Variants in CTC1 observed in about 807,000 individuals in gnomAD.
CTC1 encodes the protein CST complex subunit CTC1.
A neutral mutation model predicts 136.3 loss-of-function variants in CTC1; 91 were observed. That is an observed-to-expected ratio of 0.67 (90% CI 0.56 to 0.79). The LOEUF (loss-of-function observed/expected upper bound fraction) is 0.79, where lower values mean the gene tolerates loss of function less well. Ranked by LOEUF, CTC1 falls within the 30% of genes least tolerant of loss-of-function variation. The probability of loss-of-function intolerance (pLI) is 0.00; values close to 1 mark genes in which losing one functional copy is unlikely to be tolerated. For missense variants in CTC1, 1,432 were observed against 1,498.1 expected (o/e 0.96, Z 0.73); for synonymous variants, 606 against 613.8 (o/e 0.99, Z 0.19).
rs374177499 is a variant in CTC1 at position 8,231,489 on chromosome 17, C to T, written c.2476-20G>A. The T allele has an allele frequency of 1.8e-5, 29 of 1,581,438 alleles. No homozygotes were observed. The highest frequency in any genetic ancestry group is 1.1e-4 in the East Asian group (5 of 44,344). On this transcript the variant is annotated intron_variant, in intron 14 of 22. Coordinates refer to ENST00000651323, the MANE Select transcript of CTC1 (RefSeq NM_025099.6). ...TGGTGTCTGCACGGAAATGGGAAGACGACTGCCTGTGAGTGTGTGCTAGTC... is the reference window on the plus strand; with the variant it reads ...TGGTGTCTGCACGGAAATGGGAAGATGACTGCCTGTGAGTGTGTGCTAGTC...
chr17:8,227,963 A>G lies in CTC1; in HGVS notation c.*217T>C, dbSNP rs1019557336. 1.9e-6 allele frequency: 1 copy of G among 524,442 alleles called. No homozygotes were observed. Among genetic ancestry groups the G allele is most frequent in the East Asian group, 3.1e-5 (1 of 31,768 alleles). The allele number at this position is 524,442 out of a possible 1,614,324, so 32.5% of individuals were successfully genotyped here. A position where few individuals can be genotyped will look rare whatever the true frequency, so the allele number is the denominator to read the frequency against. Reference sequence around the variant, plus strand: ...CTGTGAATGCAGGTGCCTTGTCCCAATCAGAGGACATATTAATAGGGCCAT... The same window carrying G: ...CTGTGAATGCAGGTGCCTTGTCCCAGTCAGAGGACATATTAATAGGGCCAT... On this transcript the variant is annotated 3_prime_UTR_variant, in exon 23 of 23. Transcript: ENST00000651323.
chr17:8,247,305 CTTTTT>C (rs772948223), intron 1 of CTC1, among the ~76,000 whole-genome samples: 112 of 91,262 alleles, frequency 1.2e-3, no homozygotes, highest in African/African-American at 4.0e-3. Flanking sequence ...CCTTCCGGCG[CTTTTT>C]TTTTTTTTTT....
rs1986672220 is a variant in CTC1, at chr17:8,226,385, T to C, written c.*1795A>G. 6.6e-6 allele frequency: 1 copy of C among 152,196 alleles called. No homozygotes were observed. Among genetic ancestry groups the C allele is most frequent in the African/African-American group, 2.4e-5 (1 of 41,462 alleles). The allele number at this position is 152,196 out of a possible 1,614,324, so 9.4% of individuals were successfully genotyped here. A position where few individuals can be genotyped will look rare whatever the true frequency, so the allele number is the denominator to read the frequency against. ...AACCCGGACCGAGCTTTTTCAGATCTTTCTAGAACTAATTTGGTAACTCAA... is the reference window on the plus strand; with the variant it reads ...AACCCGGACCGAGCTTTTTCAGATCCTTCTAGAACTAATTTGGTAACTCAA... On this transcript the variant is annotated 3_prime_UTR_variant, in exon 23 of 23. Coordinates refer to ENST00000651323, the MANE Select transcript of CTC1 (RefSeq NM_025099.6).
intron 2 of CTC1, among the ~76,000 whole-genome samples, chr17:8,241,171 C>G (rs1236593544): frequency 2.0e-5 from 3 of 151,874 alleles, no homozygotes; most frequent in Non-Finnish European, 4.4e-5. Flanking sequence ...ACCTGTAATC[C>G]CAGCTTCTTG....
rs773120259 is a variant in CTC1, at chr17:8,236,060, AATAGG to A, written c.1070_1074del (p.Ser357PhefsTer10). 3.2e-5 allele frequency: 52 copies of A among 1,611,134 alleles called. No individual in the cohort carries two copies. The highest frequency in any genetic ancestry group is 1.6e-4 in the South Asian group (15 of 91,036). ...CTAGGATCTCTCCCTGTGCTCACCG[AATAGG>A]ATAGGAGTCTAGAATACCGGACAAG... is the stretch of plus-strand genomic sequence containing the variant. On this transcript the variant is annotated frameshift_variant, in exon 6 of 23. Coordinates refer to ENST00000651323, the MANE Select transcript of CTC1 (RefSeq NM_025099.6). LOFTEE classifies it high-confidence loss of function.
intron 11 of CTC1, 93 bp downstream of exon 11, chr17:8,232,813 T>C: frequency 1.3e-6 from 2 of 1,501,818 alleles, no homozygotes; most frequent in South Asian, 1.2e-5. Context: ...TCTGCATCTC[T>C]AGTAAATCCC....
Position 8,231,434 on chromosome 17 carries a change from G to A in CTC1, c.2511C>T (p.Cys837=). The part of the protein sequence containing the change: ...PMLFEKDGSS[C]ISRRPLELAG... ...CCAACTCCAGAGGACGCCGAGATATGCAGGATGAACCATCCTTTTCAAACA... is the reference window on the plus strand; with the variant it reads ...CCAACTCCAGAGGACGCCGAGATATACAGGATGAACCATCCTTTTCAAACA... The change falls in exon 15 of 23, where the codon TGC becomes TGT. Residue 837 remains cysteine (C), a synonymous_variant. Coordinates refer to ENST00000651323, the MANE Select transcript of CTC1 (RefSeq NM_025099.6). The A allele has an allele frequency of 1.9e-6, 3 of 1,612,830 alleles. No homozygotes were observed. The highest frequency in any genetic ancestry group is 1.1e-5 in the South Asian group (1 of 90,926).
At position 8,230,324 on chromosome 17, in the gene CTC1, T is replaced by C; in HGVS notation, c.2903A>G (p.His968Arg). ...SLGLLPGARVHFSQLEKRVSR... is the reference protein window; with the variant it reads ...SLGLLPGARVRFSQLEKRVSR... ...AACCCTTTTCTCCAACTGGCTGAAGTGGACCCGGGCTCCTGGAAGTAGTCC... is the reference window on the plus strand; with the variant it reads ...AACCCTTTTCTCCAACTGGCTGAAGCGGACCCGGGCTCCTGGAAGTAGTCC... The change falls in exon 17 of 23, where the codon CAC becomes CGC. Residue 968 changes from histidine (H) to arginine (R), a missense_variant. Coordinates refer to ENST00000651323, the MANE Select transcript of CTC1 (RefSeq NM_025099.6). 2 of 1,613,530 alleles carry C rather than the reference T, an allele frequency of 1.2e-6. No individual in the cohort carries two copies. Among genetic ancestry groups the C allele is most frequent in the South Asian group, 2.2e-5 (2 of 91,028 alleles).
intron 1 of CTC1, among the ~76,000 whole-genome samples, chr17:8,245,502 T>G (rs1032640713): frequency 1.3e-5 from 2 of 152,138 alleles, no homozygotes; most frequent in African/African-American, 4.8e-5. Flanking sequence ...CCCAGTATTC[T>G]TTTGTAGTTC....
chr17:8,229,524 T>A, intron 18 of CTC1, 78 bp from the exon 19 acceptor site: 1 of 1,302,522 alleles, frequency 7.7e-7, no homozygotes, highest in Non-Finnish European at 1.1e-6. Context: ...AGGGTGGGTC[T>A]AGAAGGACTT....
At chr17:8,246,315 A>C (rs75386990) in intron 1 of CTC1, among the ~76,000 whole-genome samples, 2,055 of 151,998 alleles carry the variant, frequency 0.014, 18 homozygotes, top group Middle Eastern at 0.051. Context: ...CAACCACTGC[A>C]TGGGTTTAAC....
At chr17:8,240,862 G>C (rs1988156705) in intron 2 of CTC1, among the ~76,000 whole-genome samples, 1 of 152,110 alleles carries the variant, frequency 6.6e-6, no homozygotes, top group African/African-American at 2.4e-5. Flanking sequence ...GGCCACAAGA[G>C]CGAAATTCCA....
intron 2 of CTC1, among the ~76,000 whole-genome samples, chr17:8,240,789 T>C (rs7211224): frequency 0.02 from 2,986 of 151,404 alleles, 105 homozygotes; most frequent in African/African-American, 0.068. Context: ...TAAGGCAAAA[T>C]TGCTTGAATC....
chr17:8,230,400 G>T lies in CTC1; in HGVS notation c.2827C>A (p.Pro943Thr). 6.2e-7 allele frequency: 1 copy of T among 1,614,110 alleles called. No individual in the cohort carries two copies. Among genetic ancestry groups the T allele is most frequent in the Non-Finnish European group, 8.5e-7 (1 of 1,180,006 alleles). ...VALETAECEF[P>T]PHLDVYIEDP... ...TCTATATATACATCCAGGTGAGGGG[G>T]GAATTCACATTCAGCAGTCTCAAGA... Residue 943 changes from proline (P) to threonine (T), a missense_variant, in exon 17 of 23, where the codon CCC (proline) becomes ACC (threonine). Pro to Thr is a conservative substitution (Grantham distance 38). Coordinates refer to ENST00000651323, the MANE Select transcript of CTC1 (RefSeq NM_025099.6).
In CTC1 at chr17:8,243,062, T is replaced by G; in HGVS notation, c.120A>C (p.Pro40=). ...AVKEPNVQLT[P]LVIDCVKTVW... ...CAGTCTTCACACAATCAATTACCAA[T>G]GGAGTCAACTGGACATTAGGCTCCT... The change falls in exon 2 of 23, where the codon CCA becomes CCC. Residue 40 remains proline (P), a synonymous_variant. Coordinates refer to ENST00000651323, the MANE Select transcript of CTC1 (RefSeq NM_025099.6). 1 of 1,613,950 alleles carries G rather than the reference T, an allele frequency of 6.2e-7. No individual in the cohort carries two copies.
At chr17:8,237,003 C>A in intron 5 of CTC1, among the ~76,000 whole-genome samples, 2 of 149,156 alleles carry the variant, frequency 1.3e-5, no homozygotes, top group African/African-American at 2.5e-5. Context: ...AAAATTGTAC[C>A]AGTTGATGCA....
At chr17:8,243,247 C>T (rs1298430676) in intron 1 of CTC1, 99 bp from the exon 2 acceptor site, 14 of 1,131,842 alleles carry the variant, frequency 1.2e-5, no homozygotes, top group African/African-American at 6.3e-5. Flanking sequence ...GGGCCGGGTG[C>T]GGTGGCTCAC....
intron 1 of CTC1, among the ~76,000 whole-genome samples, chr17:8,244,758 C>T (rs1453235849): frequency 6.6e-6 from 1 of 152,114 alleles, no homozygotes; most frequent in African/African-American, 2.4e-5. Context: ...AACTCCTGAA[C>T]TCAAGTGATC....
rs751885616 is a variant in CTC1, at chr17:8,236,359, C to T, written c.793-17G>A. ...GGCAGGGACCTGGCTTGTGCAGAGA[C>T]AGGCAATGTGACACAAGAGACCCCA... On this transcript the variant is annotated splice_polypyrimidine_tract_variant and intron_variant, in intron 5 of 22. Transcript: ENST00000651323. 7.5e-6 allele frequency: 12 copies of T among 1,595,462 alleles called. No individual in the cohort carries two copies. The highest frequency in any genetic ancestry group is 1.3e-5 in the African/African-American group (1 of 74,814).
Sources: gnomAD v4.1 joint callset for allele counts (sites outside exome capture counted in the v4.1 genomes callset) on GRCh38, gnomAD v4.1.1 for gene constraint, MANE v1.5 for transcripts, NCBI Gene and HGNC (gene_info 2026-07-23, HGNC 2026-07-21) for gene names.